The following TSPAN1 variants were observed in gnomAD, a reference collection of about 807,000 sequenced individuals.
The protein encoded by TSPAN1 is tetraspanin 1, also known as tetraspanin-1.
Under a neutral mutation model 26.9 loss-of-function variants are expected in TSPAN1, and 23 were observed. The ratio of observed to expected loss-of-function variants is 0.85; its 90% CI spans 0.62 to 1.21. The LOEUF (loss-of-function observed/expected upper bound fraction) is 1.21. Among genes scored for constraint, TSPAN1 ranks in the 50% most tolerant of loss-of-function variants. The pLI is 0.00. For synonymous variants in TSPAN1, 115 were observed against 114.8 expected (o/e 1.00, Z -0.01); for missense variants, 283 against 298.4 (o/e 0.95, Z 0.38).
At chr1:46,189,278 G>A (rs766290773), downstream of TSPAN1, 11 of 1,613,586 alleles carry the variant, frequency 6.8e-6, no homozygotes, top group Non-Finnish European at 9.3e-6. Context: ...TCTCATGTCT[G>A]TTCTGGGGCT....
At chr1:46,187,925 G>A (rs1657472714), downstream of TSPAN1, among the ~76,000 whole-genome samples, 3 of 152,200 alleles carry the variant, frequency 2.0e-5, no homozygotes, top group African/African-American at 7.2e-5. Flanking sequence ...TTCTGTACTT[G>A]TACAGAGGCA....
intron 1 of TSPAN1, among the ~76,000 whole-genome samples, chr1:46,177,779 T>A (rs1291493509): frequency 6.6e-6 from 1 of 152,212 alleles, no homozygotes; most frequent in Non-Finnish European, 1.5e-5. Context: ...AAGTACTGGT[T>A]TGGGAATTAC....
chr1:46,176,526 G>T, intron 1 of TSPAN1: 1 of 1,528,434 alleles, frequency 6.5e-7, no homozygotes, highest in South Asian at 1.2e-5. Flanking sequence ...CAGGGTAGCT[G>T]AGGCCTCTAT....
intron 8 of TSPAN1, 54 bp from the exon 9 acceptor site, chr1:46,185,432 G>T: frequency 6.2e-7 from 1 of 1,612,292 alleles, no homozygotes; most frequent in South Asian, 1.1e-5. Context: ...CTGTGGGACA[G>T]GCTTCAGGAT....
At chr1:46,190,960 G>A, downstream of TSPAN1, 2 of 655,958 alleles carry the variant, frequency 3.0e-6, no homozygotes, top group Non-Finnish European at 5.6e-6. Flanking sequence ...GCTCTTACTA[G>A]CTTTAATTTG....
At position 46,184,618 on chromosome 1, in the gene TSPAN1, T is replaced by G. The variant is rs753951769; in HGVS notation, c.289T>G (p.Phe97Val). The G allele has an allele frequency of 2.5e-6, 4 of 1,614,230 alleles. No individual in the cohort carries two copies. In the Admixed American group the frequency reaches 6.7e-5, roughly 27 times the overall value. The change falls in exon 5 of 9, where the codon TTC becomes GTC. Residue 97 changes from phenylalanine (F) to valine (V), a missense_variant. By Grantham distance (50) the Phe-to-Val change is conservative. Transcript: ENST00000372003. ...VTFFFILLLIFIAEVAAAVVA... is the reference protein window; with the variant it reads ...VTFFFILLLIVIAEVAAAVVA... Reference sequence around the variant, plus strand: ...GTTCTTCTTCATCCTCCTCCTCATCTTCATTGCTGAGGTTGCAGCTGCTGT... The same window carrying G: ...GTTCTTCTTCATCCTCCTCCTCATCGTCATTGCTGAGGTTGCAGCTGCTGT...
chr1:46,194,795 C>T, the TSPAN1 span: 1 of 1,613,402 alleles, frequency 6.2e-7, no homozygotes, highest in Admixed American at 1.7e-5. Flanking sequence ...GGGTTCTGCT[C>T]CTCCCAGGCT....
At chr1:46,186,521 G>A (rs12135511), downstream of TSPAN1, among the ~76,000 whole-genome samples, 9 of 135,406 alleles carry the variant, frequency 6.6e-5, no homozygotes, top group Middle Eastern at 4.0e-3. Flanking sequence ...ACAGAGTTTC[G>A]CTCTTGTTGC....
At chr1:46,195,735 A>AGG in the TSPAN1 span, 1 of 1,267,264 alleles carries the variant, frequency 7.9e-7, no homozygotes, top group South Asian at 1.3e-5. Flanking sequence ...ATGTTATATG[A>AGG]GGGGCAGAGA....
chr1:46,184,116 C>CTT, intron 3 of TSPAN1, 75 bp from the exon 4 acceptor site: 2 of 1,502,272 alleles, frequency 1.3e-6, no homozygotes, highest in Non-Finnish European at 1.9e-6. Context: ...CGGCTCCCAT[C>CTT]CTTCTTACTC....
chr1:46,193,360 C>T, the TSPAN1 span: 5 of 1,613,252 alleles, frequency 3.1e-6, 1 homozygote, highest in Non-Finnish European at 4.2e-6. Flanking sequence ...GCCCCTCAGA[C>T]CAAACAGTGC....
At chr1:46,195,007 G>A in the TSPAN1 span, 1 of 1,583,092 alleles carries the variant, frequency 6.3e-7, no homozygotes. Context: ...ATGGTTCCAG[G>A]AGACCTGGCC....
downstream of TSPAN1, among the ~76,000 whole-genome samples, chr1:46,188,449 G>A (rs562481192): frequency 6.6e-6 from 1 of 152,356 alleles, no homozygotes; most frequent in East Asian, 1.9e-4. Context: ...AAGAGGTAGG[G>A]TGGCTGCTCC....
downstream of TSPAN1, chr1:46,189,112 A>C: frequency 6.7e-7 from 1 of 1,496,208 alleles, no homozygotes; most frequent in South Asian, 1.4e-5. Flanking sequence ...GTGTTGGAGC[A>C]GGGGAACCCT....
the TSPAN1 span, chr1:46,193,821 T>C: frequency 1.2e-6 from 2 of 1,613,000 alleles, no homozygotes. Flanking sequence ...CACCCTCCTG[T>C]TCAGTGCTGG....
At chr1:46,182,566 T>C (rs376791551) in intron 3 of TSPAN1, among the ~76,000 whole-genome samples, 12 of 151,794 alleles carry the variant, frequency 7.9e-5, no homozygotes, top group African/African-American at 2.7e-4. Flanking sequence ...AAAAATTAGC[T>C]GGATGTGGTG....
chr1:46,187,594 G>A (rs1398662890), downstream of TSPAN1, among the ~76,000 whole-genome samples: 2 of 152,156 alleles, frequency 1.3e-5, no homozygotes, highest in South Asian at 4.1e-4. Context: ...GTGCGGGACA[G>A]GGGGAGGAGC....
At chr1:46,189,268 T>A (rs1188540095), downstream of TSPAN1, 2 of 1,612,468 alleles carry the variant, frequency 1.2e-6, no homozygotes, top group Middle Eastern at 1.7e-4. Context: ...CTGGAGGAGG[T>A]CTCATGTCTG....
the TSPAN1 span, chr1:46,193,507 C>A: frequency 6.2e-7 from 1 of 1,613,866 alleles, no homozygotes; most frequent in Non-Finnish European, 8.5e-7. Context: ...CCGTCCCTGG[C>A]AATCACTGCT....
Sources: allele counts gnomAD v4.1 joint callset (sites outside exome capture counted in the v4.1 genomes callset), GRCh38; gene constraint gnomAD v4.1.1; transcripts MANE v1.5; gene names NCBI Gene and HGNC (gene_info 2026-07-23, HGNC 2026-07-21).